Variants in CDH20 observed in about 807,000 individuals in gnomAD.
The protein encoded by CDH20 is cadherin-20.
In CDH20, 29 loss-of-function variants were observed where a neutral mutation model predicts 74.2. The ratio of observed to expected loss-of-function variants is 0.39; its 90% CI spans 0.29 to 0.53. CDH20 has a LOEUF of 0.53. Ranked by LOEUF, CDH20 falls within the 20% of genes least tolerant of loss-of-function variation. The probability of loss-of-function intolerance (pLI) is 0.69; values close to 1 mark genes in which losing one functional copy is unlikely to be tolerated. For missense variants in CDH20, 988 were observed against 1,048.3 expected, an observed-to-expected ratio of 0.94 and a Z score of 0.79; for synonymous variants, 469 against 405.4, an observed-to-expected ratio of 1.16 and a Z score of -1.88.
intron 11 of CDH20, among the ~76,000 whole-genome samples, chr18:61,553,945 G>A (rs1307017765): frequency 1.3e-5 from 2 of 152,116 alleles, no homozygotes; most frequent in East Asian, 1.9e-4. Context: ...GCGACTATAG[G>A]CAACTTTTTC....
chr18:61,351,934 A>T (rs1910319508), intron 1 of CDH20, among the ~76,000 whole-genome samples: 1 of 152,166 alleles, frequency 6.6e-6, no homozygotes, highest in Admixed American at 6.5e-5. Context: ...ATGATTTTCA[A>T]ACTATGAGAG....
chr18:61,430,223 A>T (rs1441341374), intron 1 of CDH20, among the ~76,000 whole-genome samples: 1 of 152,144 alleles, frequency 6.6e-6, no homozygotes, highest in African/African-American at 2.4e-5. Context: ...CTAGATTATA[A>T]ACTCTCTGAG....
At chr18:61,463,408 T>A (rs549926858) in intron 1 of CDH20, among the ~76,000 whole-genome samples, 48 of 152,140 alleles carry the variant, frequency 3.2e-4, no homozygotes, top group Non-Finnish European at 5.6e-4. Flanking sequence ...TATTGGTACA[T>A]TTTTCTGAAG....
chr18:61,379,378 T>G (rs530997987), intron 1 of CDH20, among the ~76,000 whole-genome samples: 2 of 152,190 alleles, frequency 1.3e-5, no homozygotes, highest in Non-Finnish European at 1.5e-5. Context: ...AATCGCTTTA[T>G]TGAGGATGCC....
intron 1 of CDH20, among the ~76,000 whole-genome samples, chr18:61,449,296 T>C (rs932388060): frequency 6.6e-6 from 1 of 152,162 alleles, no homozygotes; most frequent in Non-Finnish European, 1.5e-5. Flanking sequence ...GATAAATTTA[T>C]TCTGTCAGGG....
chr18:61,442,188 T>C (rs1909053643), intron 1 of CDH20, among the ~76,000 whole-genome samples: 1 of 151,528 alleles, frequency 6.6e-6, no homozygotes, highest in Non-Finnish European at 1.5e-5. Flanking sequence ...TCTCCCTACG[T>C]AAAAAACTGA....
chr18:61,551,674 TC>T (rs1857061836), intron 11 of CDH20, among the ~76,000 whole-genome samples: 1 of 152,154 alleles, frequency 6.6e-6, no homozygotes, highest in African/African-American at 2.4e-5. Context: ...AAGTAAAACC[TC>T]CCTGCAATTC....
intron 10 of CDH20, among the ~76,000 whole-genome samples, chr18:61,547,666 A>G (rs2144408310): frequency 6.6e-6 from 1 of 152,308 alleles, no homozygotes; most frequent in East Asian, 1.9e-4. Context: ...AAGCTGAATA[A>G]GCATTAAAAC....
chr18:61,528,321 C>A, intron 7 of CDH20, 101 bp downstream of exon 7: 2 of 1,261,526 alleles, frequency 1.6e-6, no homozygotes, highest in Non-Finnish European at 2.2e-6. Flanking sequence ...CTTCTCTATC[C>A]CATTTCTGGA....
At chr18:61,482,013 T>TA (rs143397411) in intron 1 of CDH20, among the ~76,000 whole-genome samples, 5 of 151,070 alleles carry the variant, frequency 3.3e-5, no homozygotes, top group African/African-American at 9.7e-5. Flanking sequence ...AATAGACAAA[T>TA]AAAAAAAAAA....
At chr18:61,475,282 G>A (rs537056107) in intron 1 of CDH20, among the ~76,000 whole-genome samples, 4 of 152,186 alleles carry the variant, frequency 2.6e-5, no homozygotes, top group Admixed American at 1.3e-4. Context: ...AGATATAGGG[G>A]TGTGAAGGTG....
At chr18:61,549,148 C>G (rs2144410451) in intron 10 of CDH20, among the ~76,000 whole-genome samples, 1 of 152,232 alleles carries the variant, frequency 6.6e-6, no homozygotes. Context: ...AAACCTACAC[C>G]AGGAAACTTG....
rs1913579908 is a variant in CDH20 at position 61,554,944 on chromosome 18, C to G, written c.*249C>G. ...TCTTTTCTTTTTGATTTTTCTGACA[C>G]TGTGTGCGAAGGCTTGGAGTCCAAG... is the stretch of plus-strand genomic sequence containing the variant. On this transcript the variant is annotated 3_prime_UTR_variant, in exon 12 of 12. Transcript: ENST00000262717. 1 of 1,356,818 alleles carries G rather than the reference C, an allele frequency of 7.4e-7. No homozygotes were observed. Among genetic ancestry groups the G allele is most frequent in the Non-Finnish European group, 9.5e-7 (1 of 1,055,452 alleles). 84.0% of individuals were successfully genotyped at this position (1,356,818 alleles called of 1,614,324 possible).
chr18:61,459,098 G>C (rs1909680005), intron 1 of CDH20, among the ~76,000 whole-genome samples: 1 of 152,166 alleles, frequency 6.6e-6, no homozygotes, highest in African/African-American at 2.4e-5. Flanking sequence ...GGATATAATA[G>C]CTTTGGTCGT....
At chr18:61,536,779 G>T (rs1277850694) in intron 8 of CDH20, 150 bp downstream of exon 8, 3 of 677,680 alleles carry the variant, frequency 4.4e-6, no homozygotes, top group Non-Finnish European at 7.4e-6. Flanking sequence ...AATGCGTTCA[G>T]TTCAAATACT....
At chr18:61,388,203 G>T (rs182142858) in intron 1 of CDH20, among the ~76,000 whole-genome samples, 10 of 152,292 alleles carry the variant, frequency 6.6e-5, no homozygotes, top group African/African-American at 2.4e-4. Flanking sequence ...AGCCTTGATG[G>T]ATGAGTAATA....
intron 1 of CDH20, among the ~76,000 whole-genome samples, chr18:61,366,493 C>T (rs1358880121): frequency 6.6e-6 from 1 of 152,108 alleles, no homozygotes; most frequent in Non-Finnish European, 1.5e-5. Context: ...AAGAACTGGA[C>T]ATTACATAAA....
intron 2 of CDH20, among the ~76,000 whole-genome samples, chr18:61,498,001 C>A (rs549985151): frequency 5.9e-5 from 9 of 152,256 alleles, no homozygotes; most frequent in African/African-American, 2.2e-4. Context: ...TTCTTGCCAC[C>A]CATACATACT....
intron 7 of CDH20, among the ~76,000 whole-genome samples, chr18:61,535,703 T>G (rs1599153680): frequency 6.6e-6 from 1 of 152,216 alleles, no homozygotes; most frequent in Non-Finnish European, 1.5e-5. Flanking sequence ...TGCATAAAGA[T>G]GCATGTTGGT....
Sources: allele counts gnomAD v4.1 joint callset (sites outside exome capture counted in the v4.1 genomes callset), GRCh38; gene constraint gnomAD v4.1.1; transcripts MANE v1.5; gene names NCBI Gene and HGNC (gene_info 2026-07-23, HGNC 2026-07-21).